Variants in EHMT1 observed in about 807,000 individuals in gnomAD.
EHMT1 encodes the protein histone-lysine N-methyltransferase EHMT1.
In EHMT1, 15 loss-of-function variants were observed where a neutral mutation model predicts 147.2. That is an observed-to-expected ratio of 0.10 (90% CI 0.07 to 0.16). The LOEUF is 0.16. EHMT1 is among the 10% of genes least tolerant of loss of function. The pLI is 1.00. For synonymous variants in EHMT1, 795 were observed against 709.6 expected, an observed-to-expected ratio of 1.12 and a Z score of -1.91; for missense variants, 1,587 against 1,772.4, an observed-to-expected ratio of 0.90 and a Z score of 1.88.
At chr9:137,746,445 C>G (rs1239033864) in intron 6 of EHMT1, 1 of 152,192 alleles carries the variant, frequency 6.6e-6, no homozygotes, top group African/African-American at 2.4e-5. Context: ...TCTGTAGTGT[C>G]AGAACTCCCA....
chr9:137,659,557 T>A (rs113079549), intron 1 of EHMT1, among the ~76,000 whole-genome samples: 61 of 141,818 alleles, frequency 4.3e-4, no homozygotes, highest in East Asian at 1.0e-3. Context: ...CTTTAAAAAA[T>A]TTTTTTTTTT....
chr9:137,629,728 C>T (rs1843500383), intron 1 of EHMT1, among the ~76,000 whole-genome samples: 1 of 151,932 alleles, frequency 6.6e-6, no homozygotes, highest in Admixed American at 6.6e-5. Context: ...CGGGGTTTCA[C>T]CATGTTAGCC....
intron 1 of EHMT1, among the ~76,000 whole-genome samples, chr9:137,656,492 T>C (rs755287546): frequency 2.6e-5 from 4 of 152,252 alleles, no homozygotes; most frequent in Non-Finnish European, 4.4e-5. Context: ...TGTTAACTAT[T>C]GTCTTCCTAA....
At chr9:137,674,922 A>T (rs1448160184) in intron 1 of EHMT1, 1 of 152,238 alleles carries the variant, frequency 6.6e-6, no homozygotes, top group Admixed American at 6.5e-5. Context: ...TCTGACCTGA[A>T]AATCATTGGG....
chr9:137,762,620 G>C (rs1949915876), intron 9 of EHMT1, 55 bp from the exon 10 acceptor site: 1 of 1,613,228 alleles, frequency 6.2e-7, no homozygotes, highest in East Asian at 2.2e-5. Flanking sequence ...TCACTTTCTA[G>C]ATGTTCTTTT....
Position 137,634,868 on chromosome 9 carries a change from A to ATT in EHMT1, c.21+15843_21+15844dup, listed in dbSNP as rs781056803. Reference sequence around the variant, plus strand: ...CAGGCGCCCCCACCATGCCCAGCTAATTTTTTTTTTTTTTTTTTTTTTTTT... The same window carrying ATT: ...CAGGCGCCCCCACCATGCCCAGCTAATTTTTTTTTTTTTTTTTTTTTTTTTTT... On this transcript the variant is annotated intron_variant, in intron 1 of 26. Transcript: ENST00000460843. Among the ~76,000 whole-genome samples the ATT allele has an allele frequency of 3.4e-3, 316 of 92,100 alleles. 3 individuals are homozygous for ATT. The highest frequency in any genetic ancestry group is 5.2e-3 in the African/African-American group (116 of 22,310). 60.4% of individuals were successfully genotyped at this position (92,100 alleles called of 152,430 possible). A position where few individuals can be genotyped will look rare whatever the true frequency, so the allele number is the denominator to read the frequency against.
At chr9:137,769,274 A>G (rs1412886187) in intron 10 of EHMT1, among the ~76,000 whole-genome samples, 1 of 151,402 alleles carries the variant, frequency 6.6e-6, no homozygotes, top group African/African-American at 2.4e-5. Flanking sequence ...ATTTTTTTTT[A>G]GTTTGATTAA....
intron 16 of EHMT1, among the ~76,000 whole-genome samples, chr9:137,793,738 C>T (rs1952696855): frequency 6.6e-6 from 1 of 152,140 alleles, no homozygotes; most frequent in South Asian, 2.1e-4. Flanking sequence ...GACCTATGAA[C>T]AGCATGGATG....
chr9:137,624,105 T>G (rs1390848091), intron 1 of EHMT1, among the ~76,000 whole-genome samples: 5 of 151,126 alleles, frequency 3.3e-5, no homozygotes, highest in Non-Finnish European at 5.9e-5. Context: ...GCTCAAGTGG[T>G]TCTCCTGGCT....
chr9:137,707,252 G>A (rs1377040761), intron 1 of EHMT1, among the ~76,000 whole-genome samples: 1 of 152,230 alleles, frequency 6.6e-6, no homozygotes, highest in African/African-American at 2.4e-5. Flanking sequence ...AAGCCAGCCT[G>A]TGGTGCTTCA....
chr9:137,711,628 G>A (rs1267024038), intron 2 of EHMT1, among the ~76,000 whole-genome samples: 2 of 152,194 alleles, frequency 1.3e-5, no homozygotes, highest in African/African-American at 4.8e-5. Context: ...GAGGCAGGGT[G>A]AGGGGAGTTG....
chr9:137,622,881 T>C (rs1320124326), intron 1 of EHMT1, among the ~76,000 whole-genome samples: 2 of 139,938 alleles, frequency 1.4e-5, no homozygotes, highest in Admixed American at 1.5e-4. Flanking sequence ...CCCTGCAGCC[T>C]GGGTGACAGA....
At chr9:137,784,195 C>G in intron 15 of EHMT1, 1 of 1,550,730 alleles carries the variant, frequency 6.4e-7, no homozygotes, top group Non-Finnish European at 8.7e-7. Context: ...AGCCAGGAAC[C>G]ACGCCAAGAG....
At chr9:137,749,889 G>A (rs1948835684) in intron 6 of EHMT1, among the ~76,000 whole-genome samples, 1 of 152,188 alleles carries the variant, frequency 6.6e-6, no homozygotes, top group Non-Finnish European at 1.5e-5. Context: ...CTGAAGTGTC[G>A]GAATGCTTAT....
intron 6 of EHMT1, among the ~76,000 whole-genome samples, chr9:137,744,334 T>C (rs1948369126): frequency 6.6e-6 from 1 of 151,942 alleles, no homozygotes; most frequent in South Asian, 2.1e-4. Context: ...TCTTTCTTTC[T>C]TTTTTTTGAG....
rs576344948 is a variant in EHMT1, at chr9:137,745,635, C to G, written c.1170+1545C>G. 5.0e-5 allele frequency: 20 copies of G among 398,338 alleles called. No individual in the cohort carries two copies. In the East Asian group the frequency reaches 7.1e-4, roughly 14 times the overall value. The allele number at this position is 398,338 out of a possible 1,614,324, so 24.7% of individuals were successfully genotyped here. On this transcript the variant is annotated intron_variant, in intron 6 of 26. Coordinates refer to ENST00000460843, the MANE Select transcript of EHMT1 (RefSeq NM_024757.5). ...CACCGTGGGGAAGCAGCTACCCCAG[C>G]AGCTGCCGCGGTCTCTGCACACACG...
intron 1 of EHMT1, among the ~76,000 whole-genome samples, chr9:137,693,007 C>T (rs1326929174): frequency 2.0e-5 from 3 of 152,168 alleles, no homozygotes; most frequent in Non-Finnish European, 4.4e-5. Context: ...CCTGCCTCAC[C>T]TGGGGGCTTT....
At chr9:137,675,880 T>G (rs1941243939) in intron 1 of EHMT1, among the ~76,000 whole-genome samples, 1 of 144,416 alleles carries the variant, frequency 6.9e-6, no homozygotes, top group East Asian at 2.0e-4. Context: ...GCCTCCCGGG[T>G]TCACGCCATT....
Position 137,813,664 on chromosome 9 carries a change from C to G in EHMT1, c.3180+134C>G. ...GGGGGCTTCCCAGGAAGACCTCATT[C>G]TCTTTGTAGTTGCCTCCCGTGAAAG... On this transcript the variant is annotated intron_variant, in intron 21 of 26. Coordinates refer to ENST00000460843, the MANE Select transcript of EHMT1 (RefSeq NM_024757.5). This position sits in a 1 kb window ranked among gnomAD's most constrained non-coding sequence, Gnocchi z 4.9. The G allele has an allele frequency of 7.7e-7, 1 of 1,299,974 alleles. No homozygotes were observed. Among genetic ancestry groups the G allele is most frequent in the East Asian group, 2.5e-5 (1 of 40,052 alleles). 80.5% of individuals were successfully genotyped at this position (1,299,974 alleles called of 1,614,324 possible).
Sources: gnomAD v4.1 joint callset for allele counts (sites outside exome capture counted in the v4.1 genomes callset) on GRCh38, gnomAD v4.1.1 for gene constraint, Gnocchi (gnomAD v3.1) non-coding constraint, MANE v1.5 for transcripts, NCBI Gene and HGNC (gene_info 2026-07-23, HGNC 2026-07-21) for gene names.